The following DYNLRB1 variants were observed in gnomAD, a reference collection of about 807,000 sequenced individuals.
DYNLRB1 encodes the protein ROBL/LC7-like 1.
DYNLRB1 carries 6 observed loss-of-function variants against 13.5 expected under a neutral mutation model. That is an observed-to-expected ratio of 0.44 (90% CI 0.24 to 0.88). The LOEUF (loss-of-function observed/expected upper bound fraction) is 0.88. Ranked by LOEUF, DYNLRB1 falls within the 40% of genes least tolerant of loss-of-function variation. The probability of loss-of-function intolerance (pLI) is 0.21; values close to 1 mark genes in which losing one functional copy is unlikely to be tolerated. For missense variants in DYNLRB1, 93 were observed against 127.2 expected (o/e 0.73, Z 1.29); for synonymous variants, 43 against 45.0 (o/e 0.96, Z 0.18).
chr20:34,536,349 G>T, intron 3 of DYNLRB1: 1 of 985,376 alleles, frequency 1.0e-6, no homozygotes, highest in Non-Finnish European at 1.2e-6. Context: ...GGTTGAGTGT[G>T]TTGACCTGGG....
chr20:34,531,854 C>T (rs1278001697), intron 2 of DYNLRB1, among the ~76,000 whole-genome samples: 1 of 151,952 alleles, frequency 6.6e-6, no homozygotes, highest in Non-Finnish European at 1.5e-5. Flanking sequence ...ACCTCAGGGA[C>T]CAAAGTGGAA....
Position 34,534,670 on chromosome 20 carries a change from A to C in DYNLRB1, c.122A>C (p.Gln41Pro), listed in dbSNP as rs748503011. The C allele has an allele frequency of 6.3e-7, 1 of 1,592,898 alleles. No individual in the cohort carries two copies. Among genetic ancestry groups the C allele is most frequent in the African/African-American group, 1.3e-5 (1 of 74,816 alleles). The change falls in exon 3 of 4, where the codon CAG (glutamine) becomes CCG (proline). Residue 41 changes from glutamine to proline, a missense_variant. By Grantham distance (76) the Gln-to-Pro change is moderately conservative. Coordinates refer to ENST00000357156, the MANE Select transcript of DYNLRB1 (RefSeq NM_014183.4). ...ACCATGGACAACCCCACCACCACCC[A>C]GTATGCCAGCCTCATGCACAGCTTC... Reference protein sequence around the residue: ...KSTMDNPTTTQYASLMHSFIL... With the variant: ...KSTMDNPTTTPYASLMHSFIL...
At chr20:34,526,196 C>A in intron 1 of DYNLRB1, 72 bp from the exon 2 acceptor site, 1 of 1,517,424 alleles carries the variant, frequency 6.6e-7, no homozygotes, top group Non-Finnish European at 9.1e-7. Context: ...ACGTATGATT[C>A]ATCTGCCTGG....
chr20:34,530,969 C>G (rs562557050), intron 2 of DYNLRB1: 1 of 152,312 alleles, frequency 6.6e-6, no homozygotes, highest in Non-Finnish European at 1.5e-5. Context: ...TGGCTAGATT[C>G]AAATGGTGTT....
intron 2 of DYNLRB1, chr20:34,530,353 G>A: frequency 1.1e-6 from 1 of 922,274 alleles, no homozygotes; most frequent in Non-Finnish European, 1.3e-6. Flanking sequence ...CAGCTATGTG[G>A]TTTTGGGCAT....
intron 1 of DYNLRB1, among the ~76,000 whole-genome samples, chr20:34,518,306 C>G (rs1417402537): frequency 1.3e-5 from 2 of 152,020 alleles, no homozygotes. Flanking sequence ...ATACCTCAAG[C>G]TTTGTTCTTT....
In DYNLRB1 at chr20:34,540,850, A is replaced by C. The variant is rs1981532574; in HGVS notation, c.*226A>C. 2.1e-6 allele frequency: 1 copy of C among 484,916 alleles called. No homozygotes were observed. The highest frequency in any genetic ancestry group is 3.6e-6 in the Non-Finnish European group (1 of 276,864). The allele number at this position is 484,916 out of a possible 1,614,324, so 30.0% of individuals were successfully genotyped here. ...CCCTCTCCTCACTTCCAGGTTTTGGAGCAAGAGCTTGCAGGAAGCCCGCAC... is the reference window on the plus strand; with the variant it reads ...CCCTCTCCTCACTTCCAGGTTTTGGCGCAAGAGCTTGCAGGAAGCCCGCAC... On this transcript the variant is annotated 3_prime_UTR_variant, in exon 4 of 4. Coordinates refer to ENST00000357156, the MANE Select transcript of DYNLRB1 (RefSeq NM_014183.4).
intron 1 of DYNLRB1, among the ~76,000 whole-genome samples, chr20:34,523,713 A>G (rs1449018860): frequency 1.3e-5 from 2 of 151,986 alleles, no homozygotes; most frequent in African/African-American, 4.8e-5. Context: ...GCTGACATTT[A>G]TGTTTTACTT....
At chr20:34,516,505 C>T (rs1568595880) in intron 1 of DYNLRB1, 44 bp downstream of exon 1, 1 of 1,610,360 alleles carries the variant, frequency 6.2e-7, no homozygotes, top group Non-Finnish European at 8.5e-7. Flanking sequence ...CGCCCACCAC[C>T]CCACGCCAGG....
At chr20:34,538,668 G>A (rs1329269091) in intron 3 of DYNLRB1, among the ~76,000 whole-genome samples, 1 of 152,088 alleles carries the variant, frequency 6.6e-6, no homozygotes, top group African/African-American at 2.4e-5. Flanking sequence ...TTTCATTAGT[G>A]ATTTTTATGT....
intron 1 of DYNLRB1, among the ~76,000 whole-genome samples, chr20:34,524,311 C>T (rs1352581377): frequency 6.6e-6 from 1 of 152,188 alleles, no homozygotes. Context: ...CATTATAGCA[C>T]ACACCTTTTG....
chr20:34,538,696 A>G (rs1981360430), intron 3 of DYNLRB1, among the ~76,000 whole-genome samples: 1 of 152,182 alleles, frequency 6.6e-6, no homozygotes, highest in Non-Finnish European at 1.5e-5. Context: ...TTGGTTAGCC[A>G]TGAAACTGTT....
intron 2 of DYNLRB1, among the ~76,000 whole-genome samples, chr20:34,528,595 G>A (rs972019157): frequency 6.6e-6 from 1 of 152,182 alleles, no homozygotes; most frequent in African/African-American, 2.4e-5. Flanking sequence ...TGAGGACTGT[G>A]TTGAGAGGAA....
At chr20:34,522,522 G>T (rs1979837464) in intron 1 of DYNLRB1, among the ~76,000 whole-genome samples, 1 of 132,720 alleles carries the variant, frequency 7.5e-6, no homozygotes, top group African/African-American at 2.9e-5. Flanking sequence ...TTCCAGGCTG[G>T]AGTGCAATGG....
At chr20:34,516,299 G>A (rs146925128), upstream of DYNLRB1, 183 of 1,219,460 alleles carry the variant, frequency 1.5e-4, 1 homozygote, top group African/African-American at 2.5e-3. Context: ...GATTTTCCAA[G>A]AATCCTGGCG....
At chr20:34,536,157 G>T (rs1048314794) in intron 3 of DYNLRB1, 2 of 985,404 alleles carry the variant, frequency 2.0e-6, no homozygotes, top group Non-Finnish European at 2.4e-6. Flanking sequence ...CCAAAATCAC[G>T]CTTCTGTGTG....
chr20:34,535,034 C>T, intron 3 of DYNLRB1: 1 of 1,353,624 alleles, frequency 7.4e-7, no homozygotes, highest in Non-Finnish European at 9.5e-7. Flanking sequence ...GACACGTGAG[C>T]ATCATGTGTG....
chr20:34,536,054 C>G (rs73103181), intron 3 of DYNLRB1: 331 of 985,364 alleles, frequency 3.4e-4, no homozygotes, highest in Non-Finnish European at 3.8e-4. Context: ...GTCACAGCAG[C>G]CCACAGGCTC....
At chr20:34,539,969 C>T (rs1455595699) in intron 3 of DYNLRB1, among the ~76,000 whole-genome samples, 1 of 151,440 alleles carries the variant, frequency 6.6e-6, no homozygotes, top group Non-Finnish European at 1.5e-5. Flanking sequence ...TGCTCTGTCT[C>T]GCGGAGGGGA....
Sources: gnomAD v4.1 joint callset for allele counts (sites outside exome capture counted in the v4.1 genomes callset) on GRCh38, gnomAD v4.1.1 for gene constraint, MANE v1.5 for transcripts, NCBI Gene and HGNC (gene_info 2026-07-23, HGNC 2026-07-21) for gene names.